Variants in FAM107B observed in about 807,000 individuals in gnomAD.
The protein encoded by FAM107B is family with sequence similarity 107 member B, also known as protein FAM107B.
A neutral mutation model predicts 31.5 loss-of-function variants in FAM107B; 21 were observed. The ratio of observed to expected loss-of-function variants is 0.67; its 90% CI spans 0.47 to 0.96. The LOEUF (loss-of-function observed/expected upper bound fraction) is 0.96. Among genes scored for constraint, FAM107B ranks in the 40% least tolerant of loss-of-function variants. The pLI is 0.00. For missense variants in FAM107B, 452 were observed against 377.1 expected, an observed-to-expected ratio of 1.20 and a Z score of -1.64; for synonymous variants, 157 against 141.5, an observed-to-expected ratio of 1.11 and a Z score of -0.78.
chr10:14,695,906 G>A (rs541456142), intron 1 of FAM107B, among the ~76,000 whole-genome samples: 1 of 152,218 alleles, frequency 6.6e-6, no homozygotes, highest in South Asian at 2.1e-4. Context: ...TTCTACATAT[G>A]GGCTCATATC....
At chr10:14,742,878 C>A (rs1180957676) in intron 1 of FAM107B, among the ~76,000 whole-genome samples, 2 of 152,094 alleles carry the variant, frequency 1.3e-5, no homozygotes, top group Non-Finnish European at 2.9e-5. Flanking sequence ...TCTTCCTGGC[C>A]ACCACTCCAC....
intron 2 of FAM107B, among the ~76,000 whole-genome samples, chr10:14,639,404 A>G (rs1853578455): frequency 2.0e-5 from 3 of 152,258 alleles, no homozygotes; most frequent in Middle Eastern, 6.8e-3. Flanking sequence ...CAAGTGTTCA[A>G]TCCATTTTAA....
At position 14,646,789 on chromosome 10, in the gene FAM107B, C is replaced by CTTTTT. The variant is rs369557470; in HGVS notation, c.469+20840_469+20844dup. Among the ~76,000 whole-genome samples, 223 of 86,754 alleles carry CTTTTT rather than the reference C, an allele frequency of 2.6e-3. 4 individuals are homozygous for CTTTTT. The highest frequency in any genetic ancestry group is 6.8e-3 in the East Asian group (18 of 2,640). The allele number at this position is 86,754 out of a possible 152,430, so 56.9% of individuals were successfully genotyped here. On this transcript the variant is annotated intron_variant, in intron 2 of 4. Coordinates refer to ENST00000181796, the MANE Select transcript of FAM107B (RefSeq NM_031453.4). ...GTACTGATTTACCTTCCATTTTCTCCTTTTTTTTTTTTTTTTTTTTTTGAG... is the reference window on the plus strand; with the variant it reads ...GTACTGATTTACCTTCCATTTTCTCCTTTTTTTTTTTTTTTTTTTTTTTTTTTGAG...
intron 2 of FAM107B, among the ~76,000 whole-genome samples, chr10:14,536,789 G>A (rs938273231): frequency 6.6e-6 from 1 of 152,072 alleles, no homozygotes; most frequent in African/African-American, 2.4e-5. Context: ...GCTCCACTAT[G>A]GCTACGGGAC....
rs574909803 is a variant in FAM107B, at chr10:14,596,919, T to C, written c.470-66404A>G. Reference sequence around the variant, plus strand: ...TCTAAGAAGTAGGTGAGTGTGACTATTTCCATTTTATAGAAGACGACGCTG... The same window carrying C: ...TCTAAGAAGTAGGTGAGTGTGACTACTTCCATTTTATAGAAGACGACGCTG... On this transcript the variant is annotated intron_variant, in intron 2 of 4. Coordinates refer to ENST00000181796, the MANE Select transcript of FAM107B (RefSeq NM_031453.4). Among the ~76,000 whole-genome samples, 201 of 152,302 alleles carry C rather than the reference T, an allele frequency of 1.3e-3. 1 individual carries two copies. Among genetic ancestry groups the C allele is most frequent in the Non-Finnish European group, 2.1e-3 (146 of 68,028 alleles).
intron 2 of FAM107B, among the ~76,000 whole-genome samples, chr10:14,603,808 G>C (rs1011813485): frequency 2.0e-5 from 3 of 151,838 alleles, no homozygotes; most frequent in African/African-American, 7.3e-5. Context: ...TCTGCCTGGC[G>C]GGGGCTGGCG....
intron 1 of FAM107B, among the ~76,000 whole-genome samples, chr10:14,702,523 A>G (rs2131525810): frequency 6.6e-6 from 1 of 151,956 alleles, no homozygotes; most frequent in South Asian, 2.1e-4. Context: ...CTTTTTTTGT[A>G]TTTTTTAGTA....
intron 2 of FAM107B, among the ~76,000 whole-genome samples, chr10:14,645,021 G>A (rs1417845208): frequency 4.6e-5 from 7 of 152,138 alleles, no homozygotes; most frequent in South Asian, 2.1e-4. Flanking sequence ...CAAGTGTCAC[G>A]GGGAATCCAT....
At chr10:14,714,592 G>A (rs1295913303) in intron 1 of FAM107B, among the ~76,000 whole-genome samples, 3 of 152,142 alleles carry the variant, frequency 2.0e-5, no homozygotes, top group Non-Finnish European at 2.9e-5. Flanking sequence ...GGTACAGATG[G>A]CAGCACACCT....
At position 14,634,140 on chromosome 10, in the gene FAM107B, T is replaced by C. The variant is rs1028848985; in HGVS notation, c.469+33494A>G. 2.0e-5 allele frequency among the ~76,000 whole-genome samples: 3 copies of C among 152,194 alleles called. No homozygotes were observed. In the East Asian group the frequency reaches 5.8e-4, roughly 29 times the overall value. On this transcript the variant is annotated intron_variant, in intron 2 of 4. Transcript: ENST00000181796. ...GGCCAGGCGCTGTGGCTCACACCTGTAATCCCAGCACTTTGGGAGGCCAAG... is the reference window on the plus strand; with the variant it reads ...GGCCAGGCGCTGTGGCTCACACCTGCAATCCCAGCACTTTGGGAGGCCAAG...
At chr10:14,602,737 AAAATATAGTCCATG>A (rs1163231526) in intron 2 of FAM107B, 4 of 152,264 alleles carry the variant, frequency 2.6e-5, no homozygotes, top group Non-Finnish European at 5.9e-5. Context: ...CCTGAATTCA[AAAATATAGTCCATG>A]AAACTTTTTT....
intron 3 of FAM107B, among the ~76,000 whole-genome samples, chr10:14,525,354 C>T (rs1231148533): frequency 2.0e-5 from 3 of 152,180 alleles, no homozygotes; most frequent in Non-Finnish European, 1.5e-5. Context: ...CCTGTGACTA[C>T]TGAAGCGGGC....
rs576686412 is a variant in FAM107B at position 14,568,484 on chromosome 10, A to C, written c.470-37969T>G. Among the ~76,000 whole-genome samples the C allele has an allele frequency of 3.9e-5, 6 of 151,946 alleles. No homozygotes were observed. In the South Asian group the frequency reaches 1.3e-3, roughly 32 times the overall value. ...TGGCTGATGATCCCAGGGTTAGACCAGGAGGTGAAGATACTCAGGTAAGAG... is the reference window on the plus strand; with the variant it reads ...TGGCTGATGATCCCAGGGTTAGACCCGGAGGTGAAGATACTCAGGTAAGAG... On this transcript the variant is annotated intron_variant, in intron 2 of 4. Transcript: ENST00000181796.
In FAM107B at chr10:14,521,299, A is replaced by G. The variant is rs761894001; in HGVS notation, c.812T>C (p.Leu271Pro). The G allele has an allele frequency of 6.2e-7, 1 of 1,613,954 alleles. No homozygotes were observed. The highest frequency in any genetic ancestry group is 8.5e-7 in the Non-Finnish European group (1 of 1,179,894). Residue 271 changes from leucine to proline, a missense_variant, in exon 5 of 5, where the codon CTT (leucine) becomes CCT (proline). Transcript: ENST00000181796. ...KRQQKLEQLELEKQKLQEEQE... is the reference protein window; with the variant it reads ...KRQQKLEQLEPEKQKLQEEQE... ...CTCTTCTTGCAATTTCTGCTTCTCA[A>G]GTTCAAGCTAAATGACATTCAGAAA...
intron 2 of FAM107B, among the ~76,000 whole-genome samples, chr10:14,629,165 T>G (rs923375464): frequency 7.0e-6 from 1 of 143,544 alleles, no homozygotes; most frequent in East Asian, 2.0e-4. Flanking sequence ...GAACCAAATA[T>G]TAACCACGGA....
At position 14,521,145 on chromosome 10, in the gene FAM107B, G is replaced by T; in HGVS notation, c.*45C>A. On this transcript the variant is annotated 3_prime_UTR_variant, in exon 5 of 5. Coordinates refer to ENST00000181796, the MANE Select transcript of FAM107B (RefSeq NM_031453.4). ...CCCTGAGATTGAGAAGGCACCCACA[G>T]ACAGCTCTGTGGGGTGACACACGAG... The T allele has an allele frequency of 6.7e-7, 1 of 1,487,024 alleles. No individual in the cohort carries two copies. The highest frequency in any genetic ancestry group is 9.3e-7 in the Non-Finnish European group (1 of 1,073,280). The allele number at this position is 1,487,024 out of a possible 1,614,324, so 92.1% of individuals were successfully genotyped here.
chr10:14,575,001 C>T (rs1851418443), intron 2 of FAM107B, among the ~76,000 whole-genome samples: 1 of 152,124 alleles, frequency 6.6e-6, no homozygotes, highest in Non-Finnish European at 1.5e-5. Flanking sequence ...GTCTTTCATA[C>T]TGACCTTTAA....
intron 1 of FAM107B, among the ~76,000 whole-genome samples, chr10:14,734,389 A>G (rs1261413219): frequency 6.6e-6 from 1 of 152,094 alleles, no homozygotes; most frequent in Non-Finnish European, 1.5e-5. Flanking sequence ...AGCTTGTCCA[A>G]CCTGCAGCCC....
At chr10:14,766,722 A>C (rs1833169567) in intron 1 of FAM107B, among the ~76,000 whole-genome samples, 1 of 151,878 alleles carries the variant, frequency 6.6e-6, no homozygotes, top group Non-Finnish European at 1.5e-5. Context: ...ATGCTATCAA[A>C]GTAGCCCCTC....
Sources: allele counts gnomAD v4.1 joint callset (sites outside exome capture counted in the v4.1 genomes callset), GRCh38; gene constraint gnomAD v4.1.1; transcripts MANE v1.5; gene names NCBI Gene and HGNC (gene_info 2026-07-23, HGNC 2026-07-21).